Variants in ACSL5 observed in about 807,000 individuals in gnomAD.
ACSL5 encodes acyl-CoA synthetase long chain family member 5, also known as long-chain-fatty-acid--CoA ligase 5.
Under a neutral mutation model 84.9 loss-of-function variants are expected in ACSL5, and 50 were observed. The ratio of observed to expected loss-of-function variants is 0.59; its 90% CI spans 0.47 to 0.75. ACSL5 has a LOEUF of 0.75. ACSL5 is among the 30% of genes least tolerant of loss of function. The probability of loss-of-function intolerance (pLI) is 0.00; values close to 1 mark genes in which losing one functional copy is unlikely to be tolerated. For synonymous variants in ACSL5, 280 were observed against 300.7 expected (o/e 0.93, Z 0.71); for missense variants, 775 against 830.4 (o/e 0.93, Z 0.82).
chr10:112,417,137 G>T, intron 13 of ACSL5, 115 bp downstream of exon 13: 1 of 1,174,618 alleles, frequency 8.5e-7, no homozygotes, highest in Non-Finnish European at 1.2e-6. Flanking sequence ...GATCCTTTCA[G>T]ACTTTGTGTC....
intron 17 of ACSL5, 43 bp from the exon 18 acceptor site, chr10:112,425,295 T>C (rs902111014): frequency 1.5e-5 from 24 of 1,562,938 alleles, no homozygotes; most frequent in Non-Finnish European, 1.9e-5. Context: ...TGATATCATC[T>C]CTGTGGCTCA....
chr10:112,419,008 C>T (rs1452059484), intron 14 of ACSL5, among the ~76,000 whole-genome samples: 7 of 151,818 alleles, frequency 4.6e-5, no homozygotes, highest in Non-Finnish European at 1.0e-4. Flanking sequence ...ACTTGAGTTG[C>T]TTATGATATT....
rs371440394 is a variant in ACSL5 at position 112,428,209 on chromosome 10, A to G, written c.*851A>G. 3.5e-5 allele frequency: 13 copies of G among 372,288 alleles called. 1 individual carries two copies. The highest frequency in any genetic ancestry group is 1.5e-4 in the East Asian group (4 of 26,286). The allele number at this position is 372,288 out of a possible 1,614,324, so 23.1% of individuals were successfully genotyped here. A position where few individuals can be genotyped will look rare whatever the true frequency, so the allele number is the denominator to read the frequency against. On this transcript the variant is annotated 3_prime_UTR_variant, in exon 21 of 21. Transcript: ENST00000354655. ...ATAAAAACCTCCTGAACTGGGAACA[A>G]AGATCTACAGGCAAGCAAGATGCCC... is the stretch of plus-strand genomic sequence containing the variant.
rs776562555 is a variant in ACSL5, at chr10:112,416,921, T to C, written c.1117T>C (p.Phe373Leu). 6.2e-7 allele frequency: 1 copy of C among 1,614,026 alleles called. No homozygotes were observed. The highest frequency in any genetic ancestry group is 8.5e-7 in the Non-Finnish European group (1 of 1,179,966). Residue 373 changes from phenylalanine to leucine, a missense_variant, in exon 13 of 21, where the codon TTC (phenylalanine) becomes CTC (leucine). Physicochemically the swap from Phe to Leu is conservative, Grantham distance 22. Coordinates refer to ENST00000354655, the MANE Select transcript of ACSL5 (RefSeq NM_203379.2). Reference protein sequence around the residue: ...QNEAKTPLKKFLLKLAVSSKF... With the variant: ...QNEAKTPLKKLLLKLAVSSKF... Reference sequence around the variant, plus strand: ...TGAGGCCAAGACACCCTTGAAGAAGTTCTTGTTGAAGCTGGCTGTTTCCAG... The same window carrying C: ...TGAGGCCAAGACACCCTTGAAGAAGCTCTTGTTGAAGCTGGCTGTTTCCAG...
At chr10:112,380,226 G>T (rs1001890400) in intron 1 of ACSL5, among the ~76,000 whole-genome samples, 1 of 152,142 alleles carries the variant, frequency 6.6e-6, no homozygotes, top group Admixed American at 6.5e-5. Context: ...GTCACATCCT[G>T]TGGGTGACTC....
At chr10:112,384,561 G>T (rs376018330) in intron 1 of ACSL5, among the ~76,000 whole-genome samples, 1 of 152,080 alleles carries the variant, frequency 6.6e-6, no homozygotes, top group Non-Finnish European at 1.5e-5. Flanking sequence ...TGGCTGGAGC[G>T]CAGTAGCACA....
intron 6 of ACSL5, 25 bp downstream of exon 6, chr10:112,408,546 A>G (rs1174693980): frequency 3.4e-6 from 5 of 1,449,510 alleles, no homozygotes; most frequent in Non-Finnish European, 3.9e-6. Flanking sequence ...TTACATTACA[A>G]CTTGATTCTT....
In ACSL5 at chr10:112,394,811, T is replaced by C. The variant is rs140556608; in HGVS notation, c.-29-107T>C. 5,260 of 1,431,558 alleles carry C rather than the reference T, an allele frequency of 3.7e-3. 65 individuals carry two copies. The African/African-American group carries it at 0.039, about 11-fold the overall frequency. 88.7% of individuals were successfully genotyped at this position (1,431,558 alleles called of 1,614,324 possible). A position where few individuals can be genotyped will look rare whatever the true frequency, so the allele number is the denominator to read the frequency against. Reference sequence around the variant, plus strand: ...TTGAGGGTTTGAAGGCGTGCGCGCGTGTGTGTGTGTATGTGTGTGTGTGTG... The same window carrying C: ...TTGAGGGTTTGAAGGCGTGCGCGCGCGTGTGTGTGTATGTGTGTGTGTGTG... On this transcript the variant is annotated intron_variant, in intron 1 of 20. Transcript: ENST00000354655.
intron 1 of ACSL5, among the ~76,000 whole-genome samples, chr10:112,375,931 G>A (rs530175426): frequency 1.2e-4 from 19 of 152,274 alleles, no homozygotes; most frequent in Admixed American, 5.2e-4. Context: ...CCTGTCCTCC[G>A]AATCCAGCAG....
At chr10:112,402,985 G>A (rs1364633643) in intron 3 of ACSL5, among the ~76,000 whole-genome samples, 2 of 152,202 alleles carry the variant, frequency 1.3e-5, no homozygotes, top group Non-Finnish European at 2.9e-5. Context: ...CTTATTTTAA[G>A]TAAGGCTGAG....
chr10:112,389,598 A>C (rs1024829607), intron 1 of ACSL5, among the ~76,000 whole-genome samples: 10 of 152,178 alleles, frequency 6.6e-5, no homozygotes, highest in African/African-American at 2.4e-4. Context: ...TGTTAAAAGG[A>C]AGAGGAAATG....
intron 17 of ACSL5, 150 bp downstream of exon 17, chr10:112,422,591 C>G: frequency 1.5e-6 from 1 of 688,442 alleles, no homozygotes; most frequent in Non-Finnish European, 2.5e-6. Context: ...CTTATGACTT[C>G]CTCATACTAT....
At chr10:112,417,988 A>G (rs565725698) in intron 14 of ACSL5, 47 bp downstream of exon 14, 1 of 1,400,570 alleles carries the variant, frequency 7.1e-7, no homozygotes, top group African/African-American at 1.5e-5. Context: ...ACTTTTGCAC[A>G]AACAGGCTCA....
At chr10:112,390,273 T>TA (rs1374610596) in intron 1 of ACSL5, among the ~76,000 whole-genome samples, 2 of 151,768 alleles carry the variant, frequency 1.3e-5, no homozygotes, top group African/African-American at 2.4e-5. Flanking sequence ...AAGAAGCACA[T>TA]AAAAAAATGC....
At chr10:112,378,227 GTTTTTTTTTTTTT>G (rs144322644) in intron 1 of ACSL5, among the ~76,000 whole-genome samples, 7 of 56,808 alleles carry the variant, frequency 1.2e-4, no homozygotes, top group African/African-American at 4.6e-4. Flanking sequence ...TCTTCTTCTT[GTTTTTTTTTTTTT>G]TTTTTTTTTT....
rs1321343469 is a variant in ACSL5, at chr10:112,417,950, A to G, written c.1314+9A>G. 1 of 1,590,862 alleles carries G rather than the reference A, an allele frequency of 6.3e-7. No individual in the cohort carries two copies. The highest frequency in any genetic ancestry group is 1.8e-5 in the Admixed American group (1 of 56,050). On this transcript the variant is annotated intron_variant, in intron 14 of 20. Coordinates refer to ENST00000354655, the MANE Select transcript of ACSL5 (RefSeq NM_203379.2). ...CAGCAATGGGATGTCAGGTAAGCCAAGCACCTTCTTTGAGAATAGGCTATT... is the reference window on the plus strand; with the variant it reads ...CAGCAATGGGATGTCAGGTAAGCCAGGCACCTTCTTTGAGAATAGGCTATT...
At chr10:112,389,278 T>C (rs1266500122) in intron 1 of ACSL5, among the ~76,000 whole-genome samples, 1 of 152,028 alleles carries the variant, frequency 6.6e-6, no homozygotes, top group Non-Finnish European at 1.5e-5. Flanking sequence ...ATAAAACATG[T>C]TAGGAGCCAG....
chr10:112,410,312 T>C, intron 7 of ACSL5, 151 bp from the exon 8 acceptor site: 1 of 1,549,280 alleles, frequency 6.5e-7, no homozygotes, highest in Non-Finnish European at 8.7e-7. Flanking sequence ...CCATTGTTCC[T>C]GAATGTTGGC....
At chr10:112,394,748 C>A (rs1564733864) in intron 1 of ACSL5, 170 bp from the exon 2 acceptor site, 3 of 984,934 alleles carry the variant, frequency 3.0e-6, no homozygotes, top group Middle Eastern at 5.2e-4. Context: ...TAAGTAAACA[C>A]TGGGGGAAAT....
Sources: gnomAD v4.1 joint callset for allele counts (sites outside exome capture counted in the v4.1 genomes callset) on GRCh38, gnomAD v4.1.1 for gene constraint, MANE v1.5 for transcripts, NCBI Gene and HGNC (gene_info 2026-07-23, HGNC 2026-07-21) for gene names.